Variants in PLPP4 observed in about 807,000 individuals in gnomAD.
The protein encoded by PLPP4 is phospholipid phosphatase 4.
PLPP4 carries 20 observed loss-of-function variants against 32.2 expected under a neutral mutation model. The ratio of observed to expected loss-of-function variants is 0.62; its 90% confidence interval spans 0.44 to 0.90. The LOEUF (loss-of-function observed/expected upper bound fraction) is 0.90, where lower values mean the gene tolerates loss of function less well. Among genes scored for constraint, PLPP4 ranks in the 40% least tolerant of loss-of-function variants. The probability of loss-of-function intolerance (pLI) is 0.00; values close to 1 mark genes in which losing one functional copy is unlikely to be tolerated. For synonymous variants in PLPP4, 127 were observed against 133.0 expected (o/e 0.95, Z 0.31); for missense variants, 257 against 353.1 (o/e 0.73, Z 2.18).
At chr10:120,575,394 A>C in intron 6 of PLPP4, 93 bp downstream of exon 6, 1 of 1,364,950 alleles carries the variant, frequency 7.3e-7, no homozygotes, top group South Asian at 1.4e-5. Flanking sequence ...TGGGGAGCTA[A>C]GTGCCCATTG....
chr10:120,548,109 T>C (rs1022574956), intron 5 of PLPP4, among the ~76,000 whole-genome samples: 2 of 152,122 alleles, frequency 1.3e-5, no homozygotes, highest in African/African-American at 4.8e-5. Flanking sequence ...TAGGGGTATA[T>C]GTGTAGGTTT....
intron 5 of PLPP4, among the ~76,000 whole-genome samples, chr10:120,554,685 A>G (rs1848067918): frequency 6.6e-6 from 1 of 152,152 alleles, no homozygotes. Context: ...GTCTCAGGAA[A>G]CTTACAATCA....
intron 6 of PLPP4, among the ~76,000 whole-genome samples, chr10:120,584,754 T>C (rs906012194): frequency 6.6e-6 from 1 of 152,240 alleles, no homozygotes; most frequent in African/African-American, 2.4e-5. Context: ...TTGGATCTTG[T>C]TCGCCACCTT....
At chr10:120,532,137 C>T (rs955136615) in intron 5 of PLPP4, among the ~76,000 whole-genome samples, 2 of 152,090 alleles carry the variant, frequency 1.3e-5, no homozygotes, top group Non-Finnish European at 2.9e-5. Context: ...GTTCAACTCC[C>T]ACTTATGAGT....
At chr10:120,522,517 G>A (rs1846197942) in intron 5 of PLPP4, among the ~76,000 whole-genome samples, 2 of 152,168 alleles carry the variant, frequency 1.3e-5, no homozygotes, top group Non-Finnish European at 1.5e-5. Context: ...AGGAATTCCT[G>A]CTGTCTTGGG....
chr10:120,477,550 GCT>G (rs1843996399), intron 1 of PLPP4, among the ~76,000 whole-genome samples: 1 of 152,208 alleles, frequency 6.6e-6, no homozygotes, highest in Admixed American at 6.5e-5. Context: ...TCAGAAAGCA[GCT>G]CTTGGTCTGG....
chr10:120,459,144 G>A lies in PLPP4; in HGVS notation c.56+1783G>A, dbSNP rs149307702. ...AACTTGGTAATTATTGCTTATGCGC[G>A]TCTTGCTTTTTCTAAGGGTGTCATG... is the stretch of plus-strand genomic sequence containing the variant. On this transcript the variant is annotated intron_variant, in intron 1 of 6. Transcript: ENST00000398250. Among the ~76,000 whole-genome samples the A allele has an allele frequency of 2.4e-3, 358 of 152,276 alleles. 1 individual carries two copies. Among genetic ancestry groups the A allele is most frequent in the African/African-American group, 8.2e-3 (341 of 41,558 alleles).
chr10:120,471,015 G>C (rs1477620466), intron 1 of PLPP4, among the ~76,000 whole-genome samples: 1 of 152,084 alleles, frequency 6.6e-6, no homozygotes, highest in Non-Finnish European at 1.5e-5. Context: ...TTTATAACTG[G>C]TTATGATTTT....
chr10:120,587,642 G>A (rs910463677), intron 6 of PLPP4: 9 of 152,110 alleles, frequency 5.9e-5, no homozygotes, highest in Admixed American at 1.3e-4. Flanking sequence ...AAATTATCCC[G>A]TTAGATCTAG....
At chr10:120,513,721 T>C (rs377637460) in intron 2 of PLPP4, among the ~76,000 whole-genome samples, 190 bp from the exon 3 acceptor site, 77 of 152,170 alleles carry the variant, frequency 5.1e-4, no homozygotes, top group African/African-American at 1.7e-3. Context: ...AGATCTTCCA[T>C]TTTTAAAGTC....
intron 1 of PLPP4, among the ~76,000 whole-genome samples, chr10:120,471,656 A>G (rs1217545151): frequency 6.6e-6 from 1 of 152,012 alleles, no homozygotes; most frequent in Non-Finnish European, 1.5e-5. Context: ...GCTCTCGTAA[A>G]TAGCATTTAG....
intron 1 of PLPP4, among the ~76,000 whole-genome samples, chr10:120,476,839 AC>A (rs1843945629): frequency 6.6e-6 from 1 of 152,192 alleles, no homozygotes; most frequent in Non-Finnish European, 1.5e-5. Context: ...CAGGGAGAAC[AC>A]CACAAATGTA....
chr10:120,574,554 A>T (rs1225685396), intron 5 of PLPP4, among the ~76,000 whole-genome samples: 1 of 152,182 alleles, frequency 6.6e-6, no homozygotes, highest in African/African-American at 2.4e-5. Flanking sequence ...TGACTTCTCC[A>T]TCAAACTCAC....
At chr10:120,486,280 C>T (rs1276859445) in intron 1 of PLPP4, among the ~76,000 whole-genome samples, 6 of 151,146 alleles carry the variant, frequency 4.0e-5, no homozygotes. Flanking sequence ...TTTTTTCCTC[C>T]TCAAATGCTC....
At chr10:120,560,493 G>A (rs1458647241) in intron 5 of PLPP4, among the ~76,000 whole-genome samples, 4 of 152,158 alleles carry the variant, frequency 2.6e-5, no homozygotes, top group African/African-American at 4.8e-5. Context: ...AGTGGCTCAC[G>A]CCTGTAATCC....
intron 1 of PLPP4, among the ~76,000 whole-genome samples, chr10:120,488,903 G>A (rs1844582192): frequency 6.6e-6 from 1 of 152,224 alleles, no homozygotes. Flanking sequence ...ACCTCTTTGA[G>A]ACTCAGCTTC....
intron 1 of PLPP4, among the ~76,000 whole-genome samples, chr10:120,460,855 C>T (rs562442509): frequency 2.0e-5 from 3 of 152,268 alleles, no homozygotes; most frequent in African/African-American, 7.2e-5. Flanking sequence ...ACAAAGAAAC[C>T]AAGGTTTAGA....
chr10:120,509,567 G>C (rs964128912), intron 2 of PLPP4, among the ~76,000 whole-genome samples: 1 of 152,056 alleles, frequency 6.6e-6, no homozygotes, highest in Non-Finnish European at 1.5e-5. Flanking sequence ...GTAAACTAAA[G>C]CTTTTGGGCT....
intron 1 of PLPP4, among the ~76,000 whole-genome samples, chr10:120,491,127 C>G (rs1844700332): frequency 6.6e-6 from 1 of 152,174 alleles, no homozygotes; most frequent in Non-Finnish European, 1.5e-5. Context: ...CTCTGGGCTG[C>G]TGGCCCTGCT....
Sources: allele counts gnomAD v4.1 joint callset (sites outside exome capture counted in the v4.1 genomes callset), GRCh38; gene constraint gnomAD v4.1.1; transcripts MANE v1.5; gene names NCBI Gene and HGNC (gene_info 2026-07-23, HGNC 2026-07-21).